Variants in UGGT2 observed in about 807,000 individuals in gnomAD.
UGGT2 encodes the protein UDP-glucose glycoprotein glucosyltransferase 2, also known as UDP-glucose:glycoprotein glucosyltransferase 2.
A neutral mutation model predicts 192.1 loss-of-function variants in UGGT2; 180 were observed. The observed-to-expected ratio is 0.94, with a 90% CI of 0.83 to 1.06. The LOEUF (loss-of-function observed/expected upper bound fraction) is 1.06. Among genes scored for constraint, UGGT2 ranks in the 50% least tolerant of loss-of-function variants. The pLI is 0.00. For missense variants in UGGT2, 1,849 were observed against 1,795.7 expected, an observed-to-expected ratio of 1.03 and a Z score of -0.54; for synonymous variants, 580 against 591.0, an observed-to-expected ratio of 0.98 and a Z score of 0.27.
Position 95,901,291 on chromosome 13 carries a change from G to C in UGGT2, c.2503-353C>G, listed in dbSNP as rs551333141. Among the ~76,000 whole-genome samples the C allele has an allele frequency of 1.2e-3, 184 of 151,794 alleles. 1 individual carries two copies. Among genetic ancestry groups the C allele is most frequent in the African/African-American group, 4.3e-3 (177 of 41,414 alleles). ...ATTCTGAACTCAGTACCTCTTATTT[G>C]GTACTATCAATTTAAAAAGTGTTTA... On this transcript the variant is annotated intron_variant, in intron 21 of 38. Coordinates refer to ENST00000376747, the MANE Select transcript of UGGT2 (RefSeq NM_020121.4).
At chr13:95,821,723 T>C (rs1885536589) in intron 38 of UGGT2, among the ~76,000 whole-genome samples, 1 of 118,610 alleles carries the variant, frequency 8.4e-6, no homozygotes, top group Non-Finnish European at 1.6e-5. Flanking sequence ...TGAGCCATCT[T>C]GAGTTAATTT....
chr13:96,017,885 T>C (rs548170299), intron 4 of UGGT2, among the ~76,000 whole-genome samples: 17 of 152,316 alleles, frequency 1.1e-4, no homozygotes, highest in Non-Finnish European at 1.9e-4. Context: ...AAGATGGTCA[T>C]ATTGATTTGA....
At chr13:95,877,255 T>C in intron 29 of UGGT2, 24 bp downstream of exon 29, 1 of 1,537,244 alleles carries the variant, frequency 6.5e-7, no homozygotes, top group Non-Finnish European at 8.7e-7. Context: ...GTGTAAAAAT[T>C]TAAAAGCAGC....
intron 18 of UGGT2, 38 bp from the exon 19 acceptor site, chr13:95,927,164 G>C: frequency 1.9e-6 from 3 of 1,604,856 alleles, no homozygotes; most frequent in Non-Finnish European, 8.5e-7. Flanking sequence ...TATAAATAAA[G>C]AATTCACAAC....
intron 32 of UGGT2, 191 bp from the exon 33 acceptor site, chr13:95,859,866 T>G (rs1191572954): frequency 4.6e-6 from 2 of 430,374 alleles, no homozygotes; most frequent in African/African-American, 4.1e-5. Flanking sequence ...ATTGAAGGTA[T>G]GAATTAGAAG....
intron 5 of UGGT2, among the ~76,000 whole-genome samples, chr13:96,002,049 ACTT>A (rs1205508418): frequency 6.6e-6 from 1 of 152,208 alleles, no homozygotes; most frequent in Admixed American, 6.5e-5. Context: ...GGTTATTACT[ACTT>A]AAGTTTTAGT....
intron 1 of UGGT2, among the ~76,000 whole-genome samples, chr13:96,044,308 C>T (rs956147984): frequency 6.6e-6 from 1 of 152,020 alleles, no homozygotes; most frequent in Admixed American, 6.6e-5. Flanking sequence ...GTTTTTGAAC[C>T]GAACAACAAC....
intron 8 of UGGT2, among the ~76,000 whole-genome samples, chr13:95,987,886 C>A (rs1416287194): frequency 6.6e-6 from 1 of 152,166 alleles, no homozygotes; most frequent in East Asian, 1.9e-4. Context: ...GCTGGCCTAT[C>A]TGAACTGCAT....
chr13:95,983,867 G>T lies in UGGT2; in HGVS notation c.1032-3C>A. The T allele has an allele frequency of 6.5e-7, 1 of 1,541,812 alleles. No homozygotes were observed. Among genetic ancestry groups the T allele is most frequent in the Non-Finnish European group, 8.8e-7 (1 of 1,135,444 alleles). ...TTACAGCAATTCTGGTTAGAGATCT[G>T]GAAAAATGAATACTAATATAATTGA... On this transcript the variant is annotated splice_region_variant and splice_polypyrimidine_tract_variant and intron_variant, in intron 9 of 38. Transcript: ENST00000376747.
At chr13:95,830,783 T>C (rs1170737585) in intron 38 of UGGT2, among the ~76,000 whole-genome samples, 1 of 152,202 alleles carries the variant, frequency 6.6e-6, no homozygotes, top group East Asian at 1.9e-4. Context: ...ACTGGGTATA[T>C]ACCCAAAGGA....
At chr13:95,843,148 C>T (rs1384481354) in intron 36 of UGGT2, among the ~76,000 whole-genome samples, 2 of 152,294 alleles carry the variant, frequency 1.3e-5, no homozygotes, top group Admixed American at 1.3e-4. Context: ...AGTATAATGA[C>T]TAATCATATG....
At chr13:95,908,141 G>C (rs1346125265) in intron 20 of UGGT2, among the ~76,000 whole-genome samples, 2 of 152,152 alleles carry the variant, frequency 1.3e-5, no homozygotes, top group Non-Finnish European at 2.9e-5. Flanking sequence ...GTGGAAGAAA[G>C]GGTATCAGTG....
chr13:95,914,612 TAAAAAAAAAAAAAAA>T (rs146990164), intron 20 of UGGT2, among the ~76,000 whole-genome samples: 1,361 of 80,932 alleles, frequency 0.017, 41 homozygotes, highest in African/African-American at 0.066. Flanking sequence ...CCATCTCTAC[TAAAAAAAAAAAAAAA>T]AAAAAAAAAA....
Position 95,801,664 on chromosome 13 carries a change from A to T in UGGT2, c.*126T>A, listed in dbSNP as rs1884063786. Reference sequence around the variant, plus strand: ...CTGTTTTAAATAATTACAATTTTTTAAAATTAAAGAATATGTCACTGATCT... The same window carrying T: ...CTGTTTTAAATAATTACAATTTTTTTAAATTAAAGAATATGTCACTGATCT... On this transcript the variant is annotated 3_prime_UTR_variant, in exon 39 of 39. Coordinates refer to ENST00000376747, the MANE Select transcript of UGGT2 (RefSeq NM_020121.4). 2 of 887,682 alleles carry T rather than the reference A, an allele frequency of 2.3e-6. No individual in the cohort carries two copies. Among genetic ancestry groups the T allele is most frequent in the Non-Finnish European group, 3.4e-6 (2 of 589,440 alleles). The allele number at this position is 887,682 out of a possible 1,614,324, so 55.0% of individuals were successfully genotyped here. A position where few individuals can be genotyped will look rare whatever the true frequency, so the allele number is the denominator to read the frequency against.
Position 95,877,274 on chromosome 13 carries a change from C to T in UGGT2, c.3473+5G>A. The T allele has an allele frequency of 6.3e-7, 1 of 1,583,190 alleles. No individual in the cohort carries two copies. The highest frequency in any genetic ancestry group is 8.6e-7 in the Non-Finnish European group (1 of 1,168,108). On this transcript the variant is annotated splice_donor_5th_base_variant and intron_variant, in intron 29 of 38. Transcript: ENST00000376747. ...AAAAATTTAAAAGCAGCCTGCATAA[C>T]TCACCCAACTATTTGATAAATATCT...
In UGGT2 at chr13:95,970,146, G is replaced by C. The variant is rs751205775; in HGVS notation, c.1301C>G (p.Thr434Ser). The change falls in exon 12 of 39, where the codon ACT becomes AGT. Residue 434 changes from threonine to serine, a missense_variant. Physicochemically the swap from Thr to Ser is moderately conservative, Grantham distance 58. Coordinates refer to ENST00000376747, the MANE Select transcript of UGGT2 (RefSeq NM_020121.4). ...LKLNSHIWEY[T>S]YVLDIRHSSI... Reference sequence around the variant, plus strand: ...AGAATGTCGAATATCTAATACATAAGTATATTCCCAAATGTGTGAATTTAA... The same window carrying C: ...AGAATGTCGAATATCTAATACATAACTATATTCCCAAATGTGTGAATTTAA... The C allele has an allele frequency of 6.2e-7, 1 of 1,609,332 alleles. No homozygotes were observed. Among genetic ancestry groups the C allele is most frequent in the Admixed American group, 1.7e-5 (1 of 59,918 alleles).
chr13:95,833,427 T>G (rs1165024132), intron 37 of UGGT2, among the ~76,000 whole-genome samples: 2 of 152,168 alleles, frequency 1.3e-5, no homozygotes, highest in Non-Finnish European at 2.9e-5. Flanking sequence ...AAATGGCATC[T>G]CGGTTCTCAG....
intron 38 of UGGT2, among the ~76,000 whole-genome samples, chr13:95,810,097 C>T (rs930541700): frequency 1.3e-5 from 2 of 152,110 alleles, no homozygotes; most frequent in Admixed American, 1.3e-4. Flanking sequence ...CCACATGTGA[C>T]GACCTCAATC....
intron 20 of UGGT2, among the ~76,000 whole-genome samples, chr13:95,908,541 T>A (rs1328197344): frequency 6.6e-6 from 1 of 152,174 alleles, no homozygotes; most frequent in African/African-American, 2.4e-5. Context: ...CCACAATGGT[T>A]GAACTAGTTA....
Sources: gnomAD v4.1 joint callset for allele counts (sites outside exome capture counted in the v4.1 genomes callset) on GRCh38, gnomAD v4.1.1 for gene constraint, MANE v1.5 for transcripts, NCBI Gene and HGNC (gene_info 2026-07-23, HGNC 2026-07-21) for gene names.